Variants in TSHZ2 observed in about 807,000 individuals in gnomAD.
TSHZ2 encodes teashirt zinc finger homeobox 2, also known as teashirt homolog 2.
Under a neutral mutation model 74.4 loss-of-function variants are expected in TSHZ2, and 21 were observed. The ratio of observed to expected loss-of-function variants is 0.28; its 90% CI spans 0.20 to 0.41. TSHZ2 has a LOEUF of 0.41. Ranked by LOEUF, TSHZ2 falls within the 10% of genes least tolerant of loss-of-function variation. The pLI is 1.00. For missense variants in TSHZ2, 1,244 were observed against 1,293.5 expected, an observed-to-expected ratio of 0.96 and a Z score of 0.59; for synonymous variants, 540 against 515.3, an observed-to-expected ratio of 1.05 and a Z score of -0.65.
chr20:53,479,896 T>C (rs1025137574), intron 2 of TSHZ2, among the ~76,000 whole-genome samples: 2 of 151,864 alleles, frequency 1.3e-5, no homozygotes, highest in East Asian at 1.9e-4. Context: ...TGGCTGAAAA[T>C]ATTAACAGGG....
intron 2 of TSHZ2, among the ~76,000 whole-genome samples, chr20:53,289,782 G>A (rs888030140): frequency 8.5e-5 from 13 of 152,174 alleles, no homozygotes; most frequent in African/African-American, 3.1e-4. Context: ...AATTCTGATG[G>A]CAATTAGCTA....
rs114552705 is a variant in TSHZ2 at position 53,415,398 on chromosome 20, A to T, written c.*9-71746A>T. ...TGTAGCTCCTATCGCTCTGCTCTCC[A>T]CTGGGGCCCCAGGCCCCTCATTGCC... On this transcript the variant is annotated intron_variant, in intron 2 of 2. Transcript: ENST00000371497. Among the ~76,000 whole-genome samples, 753 of 152,254 alleles carry T rather than the reference A, an allele frequency of 4.9e-3. 4 individuals are homozygous for T. Among genetic ancestry groups the T allele is most frequent in the African/African-American group, 0.018 (729 of 41,542 alleles).
rs151044325 is a variant in TSHZ2, at chr20:53,327,107, T to G, written c.*8+70536T>G. ...GATGAGAGTGCTTGTGAGCCCACATTCTCAAACCACACCAAGTACACAGCC... is the reference window on the plus strand; with the variant it reads ...GATGAGAGTGCTTGTGAGCCCACATGCTCAAACCACACCAAGTACACAGCC... On this transcript the variant is annotated intron_variant, in intron 2 of 2. Coordinates refer to ENST00000371497, the MANE Select transcript of TSHZ2 (RefSeq NM_173485.6). 1.4e-4 allele frequency among the ~76,000 whole-genome samples: 21 copies of G among 152,290 alleles called. No individual in the cohort carries two copies. The East Asian group carries it at 3.9e-3, about 28-fold the overall frequency.
At chr20:52,977,180 A>G (rs1037754959) in intron 1 of TSHZ2, among the ~76,000 whole-genome samples, 1 of 152,068 alleles carries the variant, frequency 6.6e-6, no homozygotes, top group African/African-American at 2.4e-5. Context: ...GGTCCCAGAA[A>G]TCTCAACCAA....
At chr20:53,062,455 T>C (rs1213518720) in intron 1 of TSHZ2, among the ~76,000 whole-genome samples, 1 of 152,210 alleles carries the variant, frequency 6.6e-6, no homozygotes, top group Non-Finnish European at 1.5e-5. Flanking sequence ...AGAATATTGG[T>C]GAGTTACAAC....
intron 1 of TSHZ2, among the ~76,000 whole-genome samples, chr20:53,043,312 G>C (rs542544758): frequency 6.6e-6 from 1 of 151,992 alleles, no homozygotes; most frequent in Admixed American, 6.6e-5. Context: ...TGCCTCTCAG[G>C]GGACATTACC....
chr20:53,089,341 T>TTTTTTTA (rs370108566), intron 1 of TSHZ2, among the ~76,000 whole-genome samples: 17 of 129,768 alleles, frequency 1.3e-4, no homozygotes, highest in East Asian at 2.2e-4. Context: ...TTTTTTTTTT[T>TTTTTTTA]ATTAAACAGA....
At chr20:53,169,904 T>C (rs537841163) in intron 1 of TSHZ2, among the ~76,000 whole-genome samples, 268 of 152,358 alleles carry the variant, frequency 1.8e-3, no homozygotes, top group Non-Finnish European at 3.5e-3. Flanking sequence ...TGTATACTTA[T>C]ACATTCATAA....
intron 1 of TSHZ2, among the ~76,000 whole-genome samples, chr20:53,075,378 A>G (rs181918123): frequency 2.0e-4 from 30 of 152,340 alleles, no homozygotes; most frequent in Non-Finnish European, 3.5e-4. Context: ...AGATATTTTC[A>G]TCATTAAAAT....
At chr20:53,239,286 T>G (rs534285837) in intron 1 of TSHZ2, among the ~76,000 whole-genome samples, 1 of 152,188 alleles carries the variant, frequency 6.6e-6, no homozygotes, top group South Asian at 2.1e-4. Flanking sequence ...TCTAATTTAG[T>G]GTCCTCTCAG....
chr20:53,263,999 G>A (rs1320982237), intron 2 of TSHZ2, among the ~76,000 whole-genome samples: 1 of 152,162 alleles, frequency 6.6e-6, no homozygotes, highest in African/African-American at 2.4e-5. Context: ...GGCAAATCAG[G>A]TGAGTTGGTC....
chr20:52,997,325 CTGAT>C (rs10534908), intron 1 of TSHZ2, among the ~76,000 whole-genome samples: 65,050 of 151,492 alleles, frequency 0.43, 14,297 homozygotes, highest in Non-Finnish European at 0.47. Context: ...ATGATCACAA[CTGAT>C]CACCAATAGT....
rs150405964 is a variant in TSHZ2 at position 53,154,418 on chromosome 20, A to G, written c.41-99081A>G. Among the ~76,000 whole-genome samples the G allele has an allele frequency of 9.8e-5, 15 of 152,330 alleles. No homozygotes were observed. The East Asian group carries it at 2.7e-3, about 27-fold the overall frequency. Reference sequence around the variant, plus strand: ...TAAAATAAAAATAACAAATAATAAAATTAGGTCTCCCAGCTTCTCGTCAAC... The same window carrying G: ...TAAAATAAAAATAACAAATAATAAAGTTAGGTCTCCCAGCTTCTCGTCAAC... On this transcript the variant is annotated intron_variant, in intron 1 of 2. Transcript: ENST00000371497.
intron 2 of TSHZ2, among the ~76,000 whole-genome samples, chr20:53,481,588 GA>G (rs901303946): frequency 2.7e-4 from 40 of 146,104 alleles, no homozygotes; most frequent in South Asian, 4.4e-4. Context: ...AAAAAAAATA[GA>G]AAAAAAAAAG....
intron 1 of TSHZ2, among the ~76,000 whole-genome samples, chr20:53,242,968 T>C (rs1990108186): frequency 6.6e-6 from 1 of 152,126 alleles, no homozygotes; most frequent in Non-Finnish European, 1.5e-5. Flanking sequence ...GACAATCAAG[T>C]ACATAGTAAG....
rs114564713 is a variant in TSHZ2, at chr20:53,299,725, T to G, written c.*8+43154T>G. ...CAGAAGTTTGAATTTTGACCACATG[T>G]CCCTACTTGCTGGTGAACACCTAAG... On this transcript the variant is annotated intron_variant, in intron 2 of 2. Coordinates refer to ENST00000371497, the MANE Select transcript of TSHZ2 (RefSeq NM_173485.6). 1.5e-3 allele frequency among the ~76,000 whole-genome samples: 228 copies of G among 152,326 alleles called. 1 individual carries two copies. The highest frequency in any genetic ancestry group is 5.2e-3 in the African/African-American group (215 of 41,568).
intron 2 of TSHZ2, among the ~76,000 whole-genome samples, chr20:53,419,819 G>C (rs1326864433): frequency 6.6e-6 from 1 of 152,262 alleles, no homozygotes; most frequent in Non-Finnish European, 1.5e-5. Context: ...AGAAGGGGCA[G>C]CTCATTCTGT....
At chr20:53,470,050 G>A (rs1189645023) in intron 2 of TSHZ2, among the ~76,000 whole-genome samples, 2 of 152,136 alleles carry the variant, frequency 1.3e-5, no homozygotes, top group Non-Finnish European at 2.9e-5. Context: ...CTTGCCATTT[G>A]GAAACTCAGC....
At chr20:53,460,615 A>G (rs1304663463) in intron 2 of TSHZ2, among the ~76,000 whole-genome samples, 1 of 152,120 alleles carries the variant, frequency 6.6e-6, no homozygotes, top group Non-Finnish European at 1.5e-5. Flanking sequence ...TTGGAGGAGG[A>G]GAGGCGCTCT....
Sources: allele counts gnomAD v4.1 joint callset (sites outside exome capture counted in the v4.1 genomes callset), GRCh38; gene constraint gnomAD v4.1.1; transcripts MANE v1.5; gene names NCBI Gene and HGNC (gene_info 2026-07-23, HGNC 2026-07-21).